CEP63: variants seen among roughly 807,000 people sequenced by gnomAD.
The protein encoded by CEP63 is centrosomal protein 63, also known as centrosomal protein of 63 kDa.
In CEP63, 84 loss-of-function variants were observed where a neutral mutation model predicts 89.1. The observed-to-expected ratio is 0.94, with a 90% confidence interval of 0.79 to 1.13. The LOEUF (loss-of-function observed/expected upper bound fraction) is 1.13. Ranked by LOEUF, CEP63 falls within the 50% of genes most tolerant of loss-of-function variation. The pLI is 0.00. For missense variants in CEP63, 838 were observed against 813.3 expected, an observed-to-expected ratio of 1.03 and a Z score of -0.37; for synonymous variants, 267 against 272.5, an observed-to-expected ratio of 0.98 and a Z score of 0.20.
At chr3:134,754,284 T>G in the CEP63 span, among the ~76,000 whole-genome samples, 1 of 152,168 alleles carries the variant, frequency 6.6e-6, no homozygotes, top group Non-Finnish European at 1.5e-5. Context: ...CAAGCAACCA[T>G]GAGAGCAGTG....
chr3:134,687,002 C>A, the CEP63 span, among the ~76,000 whole-genome samples: 10 of 152,158 alleles, frequency 6.6e-5, no homozygotes, highest in Non-Finnish European at 1.5e-4. Context: ...TGGGAGAGTA[C>A]TATTTTATTT....
the CEP63 span, among the ~76,000 whole-genome samples, chr3:134,650,329 C>T: frequency 6.6e-6 from 1 of 152,154 alleles, no homozygotes; most frequent in African/African-American, 2.4e-5. Context: ...GGGAGAAAGT[C>T]TCAAGAAAGG....
chr3:134,682,202 G>A, the CEP63 span, among the ~76,000 whole-genome samples: 1 of 152,150 alleles, frequency 6.6e-6, no homozygotes, highest in Non-Finnish European at 1.5e-5. Context: ...GTTTCATTTA[G>A]GAGCGGGTCA....
chr3:134,781,988 C>T, the CEP63 span, among the ~76,000 whole-genome samples: 2 of 152,100 alleles, frequency 1.3e-5, no homozygotes, highest in African/African-American at 4.8e-5. Flanking sequence ...AGAATGCGTC[C>T]GATGTTTTGC....
intron 11 of CEP63, among the ~76,000 whole-genome samples, chr3:134,574,618 T>G (rs1167667109): frequency 2.0e-5 from 3 of 152,080 alleles, no homozygotes; most frequent in African/African-American, 7.2e-5. Flanking sequence ...TAAGATTTTG[T>G]TTTTTTGGTT....
downstream of CEP63, among the ~76,000 whole-genome samples, chr3:134,576,938 GT>G (rs1220847570): frequency 1.3e-5 from 2 of 152,282 alleles, no homozygotes; most frequent in African/African-American, 4.8e-5. Context: ...GTTTTCAAAT[GT>G]TAGCACCAAT....
the CEP63 span, among the ~76,000 whole-genome samples, chr3:134,729,505 G>A: frequency 6.6e-6 from 1 of 152,142 alleles, no homozygotes; most frequent in East Asian, 1.9e-4. Flanking sequence ...TAGTTCTGCT[G>A]CAAAAGAAGT....
the CEP63 span, among the ~76,000 whole-genome samples, chr3:134,718,657 A>C: frequency 1.3e-5 from 2 of 152,202 alleles, no homozygotes; most frequent in Non-Finnish European, 2.9e-5. Flanking sequence ...ACCAATCATT[A>C]GATTTTGATC....
chr3:134,650,312 G>T, the CEP63 span, among the ~76,000 whole-genome samples: 1 of 152,190 alleles, frequency 6.6e-6, no homozygotes, highest in African/African-American at 2.4e-5. Context: ...TCCATCTATA[G>T]GAGGCTGGGA....
the CEP63 span, among the ~76,000 whole-genome samples, chr3:134,644,238 C>T: frequency 6.6e-6 from 1 of 152,202 alleles, no homozygotes; most frequent in African/African-American, 2.4e-5. Context: ...GCAGGGCATG[C>T]ACGCTACACA....
the CEP63 span, among the ~76,000 whole-genome samples, chr3:134,662,600 T>A: frequency 6.6e-6 from 1 of 152,222 alleles, no homozygotes; most frequent in Non-Finnish European, 1.5e-5. Flanking sequence ...GATGAGGAAC[T>A]GGGCTCCGAG....
At chr3:134,567,101 A>C (rs1957799056), downstream of CEP63, among the ~76,000 whole-genome samples, 1 of 151,754 alleles carries the variant, frequency 6.6e-6, no homozygotes, top group African/African-American at 2.4e-5. Context: ...TGAATGAAGT[A>C]TTATACTACT....
chr3:134,488,327 T>G (rs1936371961), intron 1 of CEP63, among the ~76,000 whole-genome samples: 2 of 152,252 alleles, frequency 1.3e-5, no homozygotes, highest in African/African-American at 4.8e-5. Flanking sequence ...ACTGAAGAAG[T>G]GGTTGGCCGG....
At chr3:134,495,745 C>T (rs1282708555) in intron 2 of CEP63, among the ~76,000 whole-genome samples, 1 of 152,138 alleles carries the variant, frequency 6.6e-6, no homozygotes, top group Non-Finnish European at 1.5e-5. Flanking sequence ...CAACCCCTTC[C>T]CAGCCTCTGG....
At chr3:134,614,410 A>C in the CEP63 span, among the ~76,000 whole-genome samples, 1 of 152,126 alleles carries the variant, frequency 6.6e-6, no homozygotes, top group African/African-American at 2.4e-5. Context: ...CATGGATGTA[A>C]GATGCCCTGA....
At position 134,506,116 on chromosome 3, in the gene CEP63, A is replaced by G. The variant is rs11712173; in HGVS notation, c.45-993A>G. ...ACACTAAGAACAGGTGCTTTTTGAAAGTATTTAAGCCTTACTGAGAGCTGT... is the reference window on the plus strand; with the variant it reads ...ACACTAAGAACAGGTGCTTTTTGAAGGTATTTAAGCCTTACTGAGAGCTGT... On this transcript the variant is annotated intron_variant, in intron 2 of 14. Transcript: ENST00000675561. Among the ~76,000 whole-genome samples, 1,144 of 152,296 alleles carry G rather than the reference A, an allele frequency of 7.5e-3. 3 individuals carry two copies. Among genetic ancestry groups the G allele is most frequent in the Non-Finnish European group, 0.011 (778 of 68,016 alleles).
chr3:134,701,873 T>A, the CEP63 span, among the ~76,000 whole-genome samples: 2 of 152,142 alleles, frequency 1.3e-5, no homozygotes, highest in Non-Finnish European at 2.9e-5. Context: ...AGCAACTTCA[T>A]TCAGCAAAGT....
At chr3:134,682,903 A>C in the CEP63 span, among the ~76,000 whole-genome samples, 1 of 152,224 alleles carries the variant, frequency 6.6e-6, no homozygotes, top group Non-Finnish European at 1.5e-5. Flanking sequence ...GGCAAGCATC[A>C]GACTTGGAGT....
At chr3:134,709,869 T>C in the CEP63 span, among the ~76,000 whole-genome samples, 1 of 152,182 alleles carries the variant, frequency 6.6e-6, no homozygotes, top group Non-Finnish European at 1.5e-5. Context: ...TAGAATAGGA[T>C]GGTGATCCGT....
Sources: allele counts gnomAD v4.1 joint callset (sites outside exome capture counted in the v4.1 genomes callset), GRCh38; gene constraint gnomAD v4.1.1; transcripts MANE v1.5; gene names NCBI Gene and HGNC (gene_info 2026-07-23, HGNC 2026-07-21).